The following YBX2 variants were observed in gnomAD, a reference collection of about 807,000 sequenced individuals.
YBX2 encodes the protein Y-box-binding protein 2.
Under a neutral mutation model 44.4 loss-of-function variants are expected in YBX2, and 5 were observed. The observed-to-expected ratio is 0.11, with a 90% CI of 0.06 to 0.24. The LOEUF (loss-of-function observed/expected upper bound fraction) is 0.24, where lower values mean the gene tolerates loss of function less well. Ranked by LOEUF, YBX2 falls within the 10% of genes least tolerant of loss-of-function variation. The pLI is 1.00. For synonymous variants in YBX2, 188 were observed against 216.1 expected (o/e 0.87, Z 1.14); for missense variants, 417 against 526.9 (o/e 0.79, Z 2.04).
intron 7 of YBX2, 80 bp from the exon 8 acceptor site, chr17:7,288,918 A>G (rs1185568544): frequency 1.3e-6 from 2 of 1,562,492 alleles, no homozygotes; most frequent in South Asian, 1.1e-5. Context: ...GATGGAGTAC[A>G]GTGGCGTGAT....
Position 7,289,950 on chromosome 17 carries a change from C to T in YBX2, c.848+18G>A. ...AACACTGGAAGGGGAAGACCAAGCC[C>T]CAGCAGGGGGGTCTTACCTTCGGTA... On this transcript the variant is annotated intron_variant, in intron 6 of 8. Transcript: ENST00000007699. The T allele has an allele frequency of 6.2e-7, 1 of 1,613,398 alleles. No individual in the cohort carries two copies. Among genetic ancestry groups the T allele is most frequent in the Non-Finnish European group, 8.5e-7 (1 of 1,179,344 alleles).
chr17:7,289,419 CCAGGG>C (rs777290775), intron 7 of YBX2, 106 bp downstream of exon 7: 101 of 1,484,038 alleles, frequency 6.8e-5, no homozygotes, highest in Non-Finnish European at 7.4e-5. Flanking sequence ...GGTGGCAGGG[CCAGGG>C]CAGGGGAGGG....
chr17:7,293,596 TCA>T (rs2072517300), intron 1 of YBX2, 58 bp from the exon 2 acceptor site: 1 of 1,613,344 alleles, frequency 6.2e-7, no homozygotes, highest in East Asian at 2.2e-5. Context: ...GGAGTTGAAC[TCA>T]GTTTTGAGAC....
intron 2 of YBX2, 185 bp from the exon 3 acceptor site, chr17:7,292,244 A>G: frequency 1.4e-6 from 1 of 689,924 alleles, no homozygotes; most frequent in South Asian, 1.6e-5. Context: ...TGGTGTAAAG[A>G]GAGATACACC....
intron 6 of YBX2, 76 bp from the exon 7 acceptor site, chr17:7,289,801 C>T: frequency 2.5e-6 from 4 of 1,600,482 alleles, no homozygotes; most frequent in Non-Finnish European, 3.4e-6. Flanking sequence ...CCCCACCCCA[C>T]CTCCAGGAGC....
intron 2 of YBX2, 129 bp from the exon 3 acceptor site, chr17:7,292,188 C>T: frequency 9.1e-7 from 1 of 1,099,888 alleles, no homozygotes; most frequent in Non-Finnish European, 1.4e-6. Context: ...TAGGGGTGGA[C>T]ATGGCCTGGG....
Position 7,291,573 on chromosome 17 carries a change from C to G in YBX2, c.370-391G>C. The G allele has an allele frequency of 2.6e-6, 1 of 389,962 alleles. No homozygotes were observed. 24.2% of individuals were successfully genotyped at this position (389,962 alleles called of 1,614,324 possible). ...GCTCTTTCCACCAAGCAGTGGTTCTCAAGCTGTAGCGTGCATCAGAATCAC... is the reference window on the plus strand; with the variant it reads ...GCTCTTTCCACCAAGCAGTGGTTCTGAAGCTGTAGCGTGCATCAGAATCAC... On this transcript the variant is annotated intron_variant, in intron 3 of 8. Transcript: ENST00000007699. This position sits in a 1 kb window ranked among gnomAD's most constrained non-coding sequence, Gnocchi z 5.8.
rs1280579817 is a variant in YBX2 at position 7,294,313 on chromosome 17, GA to G, written c.187del (p.Ser63ProfsTer98). 1 of 1,280,224 alleles carries G rather than the reference GA, an allele frequency of 7.8e-7. No homozygotes were observed. Among genetic ancestry groups the G allele is most frequent in the Non-Finnish European group, 9.8e-7 (1 of 1,019,758 alleles). The allele number at this position is 1,280,224 out of a possible 1,614,324, so 79.3% of individuals were successfully genotyped here. ...PAAGTPSAPG[S>X]RTPGNPATAV... The stretch of plus-strand genomic sequence containing the variant: ...CGTCGCCGGATTGCCAGGGGTGCGG[GA>G]GCCCGGCGCCGAGGGGGTCCCAGCA... On this transcript the variant is annotated frameshift_variant, in exon 1 of 9. Coordinates refer to ENST00000007699, the MANE Select transcript of YBX2 (RefSeq NM_015982.4). LOFTEE classifies it high-confidence loss of function. The surrounding 1 kb of genome is among the most constrained non-coding windows in gnomAD (Gnocchi z 4.6).
In YBX2 at chr17:7,291,718, C is replaced by T. The variant is rs1222565193; in HGVS notation, c.369+308G>A. On this transcript the variant is annotated intron_variant, in intron 3 of 8. Coordinates refer to ENST00000007699, the MANE Select transcript of YBX2 (RefSeq NM_015982.4). This position sits in a 1 kb window ranked among gnomAD's most constrained non-coding sequence, Gnocchi z 5.8. Reference sequence around the variant, plus strand: ...GATGCTGCTGCCGCTGGTGCAGGGGCCACGCTTTGAGAACCACTGCACCCA... The same window carrying T: ...GATGCTGCTGCCGCTGGTGCAGGGGTCACGCTTTGAGAACCACTGCACCCA... 2 of 452,692 alleles carry T rather than the reference C, an allele frequency of 4.4e-6. No homozygotes were observed. Among genetic ancestry groups the T allele is most frequent in the Non-Finnish European group, 8.2e-6 (2 of 244,938 alleles). The allele number at this position is 452,692 out of a possible 1,614,324, so 28.0% of individuals were successfully genotyped here.
chr17:7,290,372 C>T lies in YBX2; in HGVS notation c.623G>A (p.Ser208Asn), dbSNP rs748464607. The change falls in exon 5 of 9, where the codon AGT becomes AAT. Residue 208 changes from serine to asparagine, a missense_variant. By Grantham distance (46) the Ser-to-Asn change is conservative. This residue lies in a region of YBX2 where 257 missense variants were observed against 261.7 expected (regional missense o/e 0.98). Coordinates refer to ENST00000007699, the MANE Select transcript of YBX2 (RefSeq NM_015982.4). ...AGAGTCTTCAGCCCGCTCCCCTTTA[C>T]TGCCAGGTCCTGTCCCCGCCGAGGG... Reference protein sequence around the residue: ...EIPSAGTGPGSKGERAEDSGQ... With the variant: ...EIPSAGTGPGNKGERAEDSGQ... 3 of 1,613,856 alleles carry T rather than the reference C, an allele frequency of 1.9e-6. No homozygotes were observed. The highest frequency in any genetic ancestry group is 2.5e-6 in the Non-Finnish European group (3 of 1,180,022).
In YBX2 at chr17:7,291,825, A is replaced by C. The variant is rs1403634576; in HGVS notation, c.369+201T>G. 5 of 654,078 alleles carry C rather than the reference A, an allele frequency of 7.6e-6. No homozygotes were observed. The highest frequency in any genetic ancestry group is 1.1e-5 in the Non-Finnish European group (4 of 370,764). The allele number at this position is 654,078 out of a possible 1,614,324, so 40.5% of individuals were successfully genotyped here. A position where few individuals can be genotyped will look rare whatever the true frequency, so the allele number is the denominator to read the frequency against. On this transcript the variant is annotated intron_variant, in intron 3 of 8. Transcript: ENST00000007699. The surrounding 1 kb of genome is among the most constrained non-coding windows in gnomAD (Gnocchi z 5.8). ...GGTGGGTAGTAAGCGTGCCATGCCC[A>C]GGGGTAACATGCTCAATTCTGACGG...
Position 7,291,317 on chromosome 17 carries a change from G to A in YBX2, c.370-135C>T, listed in dbSNP as rs902274787. 9.3e-6 allele frequency: 8 copies of A among 856,140 alleles called. No individual in the cohort carries two copies. Among genetic ancestry groups the A allele is most frequent in the Admixed American group, 8.1e-5 (4 of 49,540 alleles). The allele number at this position is 856,140 out of a possible 1,614,324, so 53.0% of individuals were successfully genotyped here. The stretch of plus-strand genomic sequence containing the variant: ...TAGAGCTGGAGGGTGGAGCAAGGAG[G>A]TGGTCAAAGTTTAGCAGGGGAAAAG... On this transcript the variant is annotated intron_variant, in intron 3 of 8. Transcript: ENST00000007699. The surrounding 1 kb of genome is among the most constrained non-coding windows in gnomAD (Gnocchi z 5.8).
Position 7,294,540 on chromosome 17 carries a change from G to T in YBX2, c.-40C>A. ...TACCGGCCACAGCCGCCACCGCCCC[G>T]GCCCCTCCCCCCGGCTCGCGAACCC... On this transcript the variant is annotated 5_prime_UTR_variant, in exon 1 of 9. Coordinates refer to ENST00000007699, the MANE Select transcript of YBX2 (RefSeq NM_015982.4). The surrounding 1 kb of genome is among the most constrained non-coding windows in gnomAD (Gnocchi z 4.6). 7.1e-7 allele frequency: 1 copy of T among 1,409,098 alleles called. No individual in the cohort carries two copies. The highest frequency in any genetic ancestry group is 1.4e-5 in the South Asian group (1 of 72,828). The allele number at this position is 1,409,098 out of a possible 1,614,324, so 87.3% of individuals were successfully genotyped here. A position where few individuals can be genotyped will look rare whatever the true frequency, so the allele number is the denominator to read the frequency against.
At chr17:7,288,721 C>T in intron 8 of YBX2, 28 bp downstream of exon 8, 1 of 1,594,686 alleles carries the variant, frequency 6.3e-7, no homozygotes, top group Non-Finnish European at 8.6e-7. Flanking sequence ...CCTTCCTGGC[C>T]ACCCACCCAA....
rs1164932252 is a variant in YBX2, at chr17:7,291,208, A to T, written c.370-26T>A. 1 of 1,611,432 alleles carries T rather than the reference A, an allele frequency of 6.2e-7. No homozygotes were observed. Among genetic ancestry groups the T allele is most frequent in the Non-Finnish European group, 8.5e-7 (1 of 1,177,758 alleles). ...CTGATTGGGGAAAAGGCCATGTGAAAAGTGAGACAGCAAGACAGGAGTCTC... is the reference window on the plus strand; with the variant it reads ...CTGATTGGGGAAAAGGCCATGTGAATAGTGAGACAGCAAGACAGGAGTCTC... On this transcript the variant is annotated intron_variant, in intron 3 of 8. Coordinates refer to ENST00000007699, the MANE Select transcript of YBX2 (RefSeq NM_015982.4). The surrounding 1 kb of genome is among the most constrained non-coding windows in gnomAD (Gnocchi z 5.8).
rs988932052 is a variant in YBX2, at chr17:7,291,815, T to C, written c.369+211A>G. Reference sequence around the variant, plus strand: ...AACAGGTCCCGGTGGGTAGTAAGCGTGCCATGCCCAGGGGTAACATGCTCA... The same window carrying C: ...AACAGGTCCCGGTGGGTAGTAAGCGCGCCATGCCCAGGGGTAACATGCTCA... On this transcript the variant is annotated intron_variant, in intron 3 of 8. Transcript: ENST00000007699. This position sits in a 1 kb window ranked among gnomAD's most constrained non-coding sequence, Gnocchi z 5.8. 3 of 622,924 alleles carry C rather than the reference T, an allele frequency of 4.8e-6. No individual in the cohort carries two copies. The highest frequency in any genetic ancestry group is 8.6e-6 in the Non-Finnish European group (3 of 349,462). 38.6% of individuals were successfully genotyped at this position (622,924 alleles called of 1,614,324 possible).
chr17:7,289,813 A>G, intron 6 of YBX2, 88 bp from the exon 7 acceptor site: 1 of 1,598,036 alleles, frequency 6.3e-7, no homozygotes, highest in Non-Finnish European at 8.5e-7. Context: ...TCCAGGAGCC[A>G]GGCTTCCAGC....
Position 7,293,470 on chromosome 17 carries a change from G to C in YBX2, c.335+5C>G, listed in dbSNP as rs774167728. ...TTCCACCCCCGCCCTGGGTTCCTTG[G>C]ATACCTGTTGATGAATCCGTAACCA... is the stretch of plus-strand genomic sequence containing the variant. On this transcript the variant is annotated splice_donor_5th_base_variant and intron_variant, in intron 2 of 8. Coordinates refer to ENST00000007699, the MANE Select transcript of YBX2 (RefSeq NM_015982.4). 6.2e-7 allele frequency: 1 copy of C among 1,614,088 alleles called. No homozygotes were observed. The highest frequency in any genetic ancestry group is 1.1e-5 in the South Asian group (1 of 91,078).
chr17:7,288,645 T>C lies in YBX2; in HGVS notation c.*40-2A>G. 1.0e-6 allele frequency: 1 copy of C among 967,410 alleles called. No homozygotes were observed. The highest frequency in any genetic ancestry group is 1.6e-6 in the Non-Finnish European group (1 of 630,158). 59.9% of individuals were successfully genotyped at this position (967,410 alleles called of 1,614,324 possible). On this transcript the variant is annotated splice_acceptor_variant, in intron 8 of 8. Transcript: ENST00000007699. LOFTEE classifies it low-confidence loss of function (3UTR_SPLICE). ...TCATTTGGAAAAACTGGCAGATACCTGAGAGAGAAAAGGAAATGGACGGAT... is the reference window on the plus strand; with the variant it reads ...TCATTTGGAAAAACTGGCAGATACCCGAGAGAGAAAAGGAAATGGACGGAT...
Sources: allele counts gnomAD v4.1 joint callset, GRCh38; gene constraint gnomAD v4.1.1; regional missense constraint gnomAD v4.1.1; non-coding constraint Gnocchi (gnomAD v3.1); transcripts MANE v1.5; gene names NCBI Gene and HGNC (gene_info 2026-07-23, HGNC 2026-07-21).